The following STAMBPL1 variants were observed in gnomAD, a reference collection of about 807,000 sequenced individuals.
STAMBPL1 encodes the protein AMSH-like protease.
In STAMBPL1, 44 loss-of-function variants were observed where a neutral mutation model predicts 52.9. The observed-to-expected ratio is 0.83, with a 90% confidence interval of 0.65 to 1.07. The LOEUF (loss-of-function observed/expected upper bound fraction) is 1.07, where lower values mean the gene tolerates loss of function less well. STAMBPL1 is among the 50% of genes least tolerant of loss of function. The pLI, the probability that STAMBPL1 is intolerant of heterozygous loss-of-function variation, is 0.00. For synonymous variants in STAMBPL1, 164 were observed against 177.3 expected (o/e 0.92, Z 0.60); for missense variants, 511 against 520.8 (o/e 0.98, Z 0.18).
rs954813810 is a variant in STAMBPL1 at position 88,902,914 on chromosome 10, TG to T, written c.30+1177del. On this transcript the variant is annotated intron_variant, in intron 2 of 10. Transcript: ENST00000371926. ...AAGAAAGTCATTCACAAAAATTAGT[TG>T]TCTTCAGAGTATATTTGGAAAGGTA... Among the ~76,000 whole-genome samples, 75 of 152,280 alleles carry T rather than the reference TG, an allele frequency of 4.9e-4. 1 individual carries two copies. Among genetic ancestry groups the T allele is most frequent in the African/African-American group, 1.7e-3 (72 of 41,564 alleles).
chr10:88,898,882 A>G (rs1410399264), intron 1 of STAMBPL1, among the ~76,000 whole-genome samples: 1 of 152,196 alleles, frequency 6.6e-6, no homozygotes, highest in Non-Finnish European at 1.5e-5. Context: ...GGCTGCAGGC[A>G]TGGGACCCAG....
intron 1 of STAMBPL1, chr10:88,882,987 C>T (rs929522390): frequency 4.6e-5 from 7 of 151,406 alleles, no homozygotes; most frequent in African/African-American, 1.7e-4. Flanking sequence ...TTAGGTATAT[C>T]TCGTAATGCT....
chr10:88,913,244 G>A lies in STAMBPL1; in HGVS notation c.564G>A (p.Glu188=). The part of the protein sequence containing the change: ...LFFEDQLKKQ[E]LARGQMRSQQ... ...TCGAAGATCAACTCAAGAAGCAAGA[G>A]TTAGCCCGAGGTCAAATGCGAAGTC... The change falls in exon 6 of 11, where the codon GAG becomes GAA. Residue 188 remains glutamate, a synonymous_variant. Transcript: ENST00000371926. 2 of 1,613,912 alleles carry A rather than the reference G, an allele frequency of 1.2e-6. No homozygotes were observed. The highest frequency in any genetic ancestry group is 2.2e-5 in the East Asian group (1 of 44,880).
At chr10:88,892,032 A>AT (rs368346372) in intron 1 of STAMBPL1, among the ~76,000 whole-genome samples, 148 of 152,062 alleles carry the variant, frequency 9.7e-4, no homozygotes, top group African/African-American at 3.0e-3. Flanking sequence ...TGAAAAAAAA[A>AT]GGTGTCTTAT....
chr10:88,888,568 C>G (rs1370934638), intron 1 of STAMBPL1, among the ~76,000 whole-genome samples: 1 of 152,110 alleles, frequency 6.6e-6, no homozygotes, highest in African/African-American at 2.4e-5. Flanking sequence ...TTGCTTTTTC[C>G]TACTATTGAT....
At chr10:88,885,932 C>T (rs1464482584) in intron 1 of STAMBPL1, among the ~76,000 whole-genome samples, 1 of 152,256 alleles carries the variant, frequency 6.6e-6, no homozygotes, top group Non-Finnish European at 1.5e-5. Context: ...TCTCAGAAAT[C>T]TATAGCTAGT....
chr10:88,922,714 T>A (rs1845545702), intron 10 of STAMBPL1, among the ~76,000 whole-genome samples: 1 of 152,184 alleles, frequency 6.6e-6, no homozygotes, highest in Non-Finnish European at 1.5e-5. Context: ...AAAAGTTTTC[T>A]TCAGAGTCCA....
intron 8 of STAMBPL1, among the ~76,000 whole-genome samples, chr10:88,917,914 G>A (rs1282842982): frequency 6.6e-6 from 1 of 152,100 alleles, no homozygotes; most frequent in Non-Finnish European, 1.5e-5. Flanking sequence ...CACACCCATG[G>A]CACCTTGTTG....
chr10:88,912,920 T>A (rs2133196754), intron 5 of STAMBPL1, 181 bp from the exon 6 acceptor site: 1 of 634,352 alleles, frequency 1.6e-6, no homozygotes, highest in East Asian at 2.6e-5. Flanking sequence ...GCTATGTTAA[T>A]CAGATCAAGG....
intron 10 of STAMBPL1, among the ~76,000 whole-genome samples, chr10:88,922,828 A>G (rs1044986860): frequency 3.9e-5 from 6 of 152,148 alleles, no homozygotes; most frequent in African/African-American, 1.4e-4. Flanking sequence ...GATGGAAACT[A>G]TGATCATACT....
intron 2 of STAMBPL1, among the ~76,000 whole-genome samples, chr10:88,902,639 C>T (rs574406261): frequency 3.6e-4 from 54 of 151,962 alleles, no homozygotes; most frequent in Non-Finnish European, 6.0e-4. Flanking sequence ...GGCACAATCT[C>T]GGCTCACTGC....
intron 1 of STAMBPL1, among the ~76,000 whole-genome samples, chr10:88,889,369 C>T (rs1276603334): frequency 6.6e-6 from 1 of 152,118 alleles, no homozygotes; most frequent in Non-Finnish European, 1.5e-5. Context: ...CAATCAAATA[C>T]ATTAAATACC....
chr10:88,893,467 C>T, intron 1 of STAMBPL1, among the ~76,000 whole-genome samples: 1 of 152,116 alleles, frequency 6.6e-6, no homozygotes, highest in South Asian at 2.1e-4. Context: ...GGGAGCTGGG[C>T]ACGGTGGCTC....
chr10:88,895,319 G>T (rs564635617), intron 1 of STAMBPL1, among the ~76,000 whole-genome samples: 12 of 152,316 alleles, frequency 7.9e-5, no homozygotes, highest in African/African-American at 2.6e-4. Context: ...TTGGTTACTT[G>T]CCAACCAGCC....
At chr10:88,909,943 A>C (rs1167762764) in intron 4 of STAMBPL1, among the ~76,000 whole-genome samples, 1 of 152,056 alleles carries the variant, frequency 6.6e-6, no homozygotes, top group Non-Finnish European at 1.5e-5. Context: ...AGTATCATTT[A>C]TTATCATGTC....
chr10:88,902,382 C>T (rs796882539), intron 2 of STAMBPL1, among the ~76,000 whole-genome samples: 6 of 152,212 alleles, frequency 3.9e-5, no homozygotes, highest in East Asian at 1.9e-4. Flanking sequence ...CAGGATGGTA[C>T]GATAAATGGA....
rs186185376 is a variant in STAMBPL1 at position 88,898,102 on chromosome 10, G to A, written c.-53-3554G>A. ...TCATTTGCATTGTTGATCTAGAGCC[G>A]TGGTTTTCAGACTTTATTGGTCTTG... On this transcript the variant is annotated intron_variant, in intron 1 of 10. Coordinates refer to ENST00000371926, the MANE Select transcript of STAMBPL1 (RefSeq NM_020799.4). 9.9e-5 allele frequency among the ~76,000 whole-genome samples: 15 copies of A among 152,198 alleles called. No homozygotes were observed. In the East Asian group the frequency reaches 2.3e-3, roughly 23 times the overall value.
At chr10:88,893,046 A>G (rs984506468) in intron 1 of STAMBPL1, among the ~76,000 whole-genome samples, 1 of 152,226 alleles carries the variant, frequency 6.6e-6, no homozygotes, top group African/African-American at 2.4e-5. Flanking sequence ...AGGTACATTA[A>G]AGTTTAGTGC....
At chr10:88,888,838 G>T (rs973960055) in intron 1 of STAMBPL1, among the ~76,000 whole-genome samples, 2 of 152,138 alleles carry the variant, frequency 1.3e-5, no homozygotes, top group African/African-American at 4.8e-5. Context: ...AGTATAATTT[G>T]TCTGATTACA....
Sources: gnomAD v4.1 joint callset for allele counts (sites outside exome capture counted in the v4.1 genomes callset) on GRCh38, gnomAD v4.1.1 for gene constraint, MANE v1.5 for transcripts, NCBI Gene and HGNC (gene_info 2026-07-23, HGNC 2026-07-21) for gene names.